Variants in NAA11 observed in about 807,000 individuals in gnomAD.
NAA11 encodes the protein N-alpha-acetyltransferase 11, NatA catalytic subunit.
Under a neutral mutation model 16.1 loss-of-function variants are expected in NAA11, and 15 were observed. The observed-to-expected ratio is 0.93, with a 90% CI of 0.62 to 1.44. The LOEUF (loss-of-function observed/expected upper bound fraction) is 1.44, where lower values mean the gene tolerates loss of function less well. Among genes scored for constraint, NAA11 ranks in the 40% most tolerant of loss-of-function variants. The pLI is 0.00. For missense variants in NAA11, 298 were observed against 291.3 expected (o/e 1.02, Z -0.17); for synonymous variants, 122 against 112.4 (o/e 1.09, Z -0.54).
chr4:79,243,478 A>G (rs549642289), intron 2 of NAA11, among the ~76,000 whole-genome samples: 33 of 152,348 alleles, frequency 2.2e-4, no homozygotes, highest in African/African-American at 7.2e-4. Context: ...TTGAACTTGC[A>G]TGTTCTCTAC....
chr4:79,303,076 T>TATA (rs1553896048), intron 1 of NAA11, among the ~76,000 whole-genome samples: 1 of 67,524 alleles, frequency 1.5e-5, no homozygotes, highest in African/African-American at 5.9e-5. Context: ...TTGAGGCCTT[T>TATA]TATATATATA....
At chr4:79,190,432 C>T in the NAA11 span, among the ~76,000 whole-genome samples, 50 of 147,716 alleles carry the variant, frequency 3.4e-4, no homozygotes, top group South Asian at 8.9e-3. Context: ...AAACATTTAC[C>T]ACATTTTGCT....
At chr4:79,312,968 C>A (rs1021122140), downstream of NAA11, among the ~76,000 whole-genome samples, 1 of 152,082 alleles carries the variant, frequency 6.6e-6, no homozygotes, top group Admixed American at 6.5e-5. Flanking sequence ...TTTATTGAGT[C>A]TTTTCTTTTC....
intron 2 of NAA11, among the ~76,000 whole-genome samples, chr4:79,273,800 C>T (rs968059465): frequency 6.6e-6 from 1 of 152,054 alleles, no homozygotes; most frequent in Non-Finnish European, 1.5e-5. Context: ...ATGTATTCCT[C>T]TTCTTTTAAA....
At chr4:79,229,729 A>G (rs1721412715) in intron 2 of NAA11, among the ~76,000 whole-genome samples, 1 of 151,956 alleles carries the variant, frequency 6.6e-6, no homozygotes, top group South Asian at 2.1e-4. Context: ...TTTAAGCATC[A>G]CTTCACCTCT....
intron 2 of NAA11, among the ~76,000 whole-genome samples, chr4:79,250,844 A>G (rs927137309): frequency 1.1e-4 from 17 of 152,240 alleles, no homozygotes; most frequent in Non-Finnish European, 8.8e-5. Context: ...GAAGACATAC[A>G]TGGGCCCTAC....
the NAA11 span, among the ~76,000 whole-genome samples, chr4:79,192,274 A>G: frequency 6.6e-6 from 1 of 151,794 alleles, no homozygotes; most frequent in Admixed American, 6.6e-5. Flanking sequence ...CATGTGCACA[A>G]TGTGCAGGTT....
the NAA11 span, among the ~76,000 whole-genome samples, chr4:79,197,007 A>T: frequency 2.7e-5 from 4 of 149,142 alleles, no homozygotes; most frequent in Non-Finnish European, 6.0e-5. Flanking sequence ...AAGAAAAAGG[A>T]TTCTGTCCCA....
intron 1 of NAA11, among the ~76,000 whole-genome samples, chr4:79,303,074 TTTTATATATA>T (rs1285708488): frequency 3.5e-4 from 25 of 72,282 alleles, no homozygotes; most frequent in Admixed American, 3.4e-3. Flanking sequence ...TCTTGAGGCC[TTTTATATATA>T]TATATATATA....
intron 1 of NAA11, among the ~76,000 whole-genome samples, chr4:79,297,538 A>T (rs1723259007): frequency 6.6e-6 from 1 of 152,120 alleles, no homozygotes; most frequent in African/African-American, 2.4e-5. Flanking sequence ...GCTCCCACTG[A>T]CTTGCCTCTT....
At chr4:79,163,618 T>C in the NAA11 span, among the ~76,000 whole-genome samples, 1 of 152,174 alleles carries the variant, frequency 6.6e-6, no homozygotes, top group Non-Finnish European at 1.5e-5. Flanking sequence ...CAGGTATTTC[T>C]GCAGAATGAA....
intron 1 of NAA11, among the ~76,000 whole-genome samples, chr4:79,324,342 T>G (rs1182673681): frequency 6.6e-6 from 1 of 152,220 alleles, no homozygotes; most frequent in Non-Finnish European, 1.5e-5. Context: ...CCCGTTCAAA[T>G]TTTGCCTGAT....
chr4:79,314,641 T>TAAAAAA (rs375245497), downstream of NAA11, among the ~76,000 whole-genome samples: 114 of 97,932 alleles, frequency 1.2e-3, 1 homozygote, highest in African/African-American at 1.9e-3. Context: ...TCCTTAAAAT[T>TAAAAAA]AAAAAAAAAA....
At chr4:79,192,180 C>A in the NAA11 span, among the ~76,000 whole-genome samples, 4 of 151,908 alleles carry the variant, frequency 2.6e-5, no homozygotes, top group African/African-American at 9.7e-5. Flanking sequence ...TTTTTGGTTC[C>A]ATATGAATTT....
chr4:79,256,110 G>C (rs1389315240), intron 2 of NAA11, among the ~76,000 whole-genome samples: 2 of 151,944 alleles, frequency 1.3e-5, no homozygotes, highest in Non-Finnish European at 1.5e-5. Context: ...ACTTCAGTTG[G>C]GTTTTTAAAA....
Position 79,319,053 on chromosome 4 carries a change from G to A in NAA11, c.*13-1262C>T, listed in dbSNP as rs942317778. ...CAGCCTCAGCCTCCTGAGTAGCTAG[G>A]ACTACAAGCACGCACCAGTATACAC... On this transcript the variant is annotated intron_variant, in intron 1 of 1. Coordinates refer to ENST00000286794, the MANE Select transcript of NAA11 (RefSeq NM_032693.3). 2.6e-5 allele frequency among the ~76,000 whole-genome samples: 4 copies of A among 152,244 alleles called. No individual in the cohort carries two copies. In the South Asian group the frequency reaches 8.3e-4, roughly 32 times the overall value.
chr4:79,263,350 A>G (rs1459351117), intron 2 of NAA11, among the ~76,000 whole-genome samples: 1 of 152,178 alleles, frequency 6.6e-6, no homozygotes, highest in African/African-American at 2.4e-5. Flanking sequence ...ACAATGAGCA[A>G]TGACTAGAAG....
the NAA11 span, among the ~76,000 whole-genome samples, chr4:79,213,760 C>A: frequency 6.6e-6 from 1 of 152,100 alleles, no homozygotes; most frequent in East Asian, 1.9e-4. Context: ...TACATGGAAT[C>A]CCTTATGTCC....
chr4:79,262,163 A>G (rs926151215), intron 2 of NAA11, among the ~76,000 whole-genome samples: 7 of 152,218 alleles, frequency 4.6e-5, no homozygotes, highest in Admixed American at 4.6e-4. Flanking sequence ...CAAGCATGAA[A>G]AGTATAATTT....
Sources: gnomAD v4.1 joint callset for allele counts (sites outside exome capture counted in the v4.1 genomes callset) on GRCh38, gnomAD v4.1.1 for gene constraint, MANE v1.5 for transcripts, NCBI Gene and HGNC (gene_info 2026-07-23, HGNC 2026-07-21) for gene names.